The following PRRC2C variants were observed in gnomAD, a reference collection of about 807,000 sequenced individuals.
PRRC2C encodes the protein protein PRRC2C.
Under a neutral mutation model 317.2 loss-of-function variants are expected in PRRC2C, and 72 were observed. The ratio of observed to expected loss-of-function variants is 0.23; its 90% CI spans 0.19 to 0.28. The LOEUF is 0.28. PRRC2C is among the 10% of genes least tolerant of loss of function. The pLI is 1.00. For missense variants in PRRC2C, 3,074 were observed against 3,459.7 expected (o/e 0.89, Z 2.80); for synonymous variants, 1,296 against 1,205.9 (o/e 1.07, Z -1.55).
chr1:171,549,556 A>G (rs1679795636), intron 17 of PRRC2C, among the ~76,000 whole-genome samples: 1 of 152,120 alleles, frequency 6.6e-6, no homozygotes, highest in Non-Finnish European at 1.5e-5. Context: ...TATATCATTC[A>G]AAACAGGTAT....
rs748957264 is a variant in PRRC2C, at chr1:171,592,636, C to T, written c.*789C>T. The T allele has an allele frequency of 6.6e-6, 1 of 152,092 alleles. No homozygotes were observed. The highest frequency in any genetic ancestry group is 1.5e-5 in the Non-Finnish European group (1 of 68,012). The allele number at this position is 152,092 out of a possible 1,614,324, so 9.4% of individuals were successfully genotyped here. A position where few individuals can be genotyped will look rare whatever the true frequency, so the allele number is the denominator to read the frequency against. On this transcript the variant is annotated 3_prime_UTR_variant, in exon 35 of 35. Transcript: ENST00000647382. ...CAAACATGACAGATTTGGTAAAATG[C>T]TGGTTAGGTTGAGTCTTCCTTGCCC...
rs941974252 is a variant in PRRC2C at position 171,485,564 on chromosome 1, C to A, written c.-229C>A. On this transcript the variant is annotated 5_prime_UTR_variant, in exon 1 of 35. Coordinates refer to ENST00000647382, the MANE Select transcript of PRRC2C (RefSeq NM_001387844.1). ...CTTCTTTTTCTCGCTCGCTCGCTCC[C>A]CCTCGGAAAGCTGCGAAAGTGCTTT... 6.5e-6 allele frequency: 1 copy of A among 152,712 alleles called. No individual in the cohort carries two copies. Among genetic ancestry groups the A allele is most frequent in the African/African-American group, 2.4e-5 (1 of 41,460 alleles). 9.5% of individuals were successfully genotyped at this position (152,712 alleles called of 1,614,324 possible). A position where few individuals can be genotyped will look rare whatever the true frequency, so the allele number is the denominator to read the frequency against.
At chr1:171,512,307 C>G in intron 2 of PRRC2C, 107 bp downstream of exon 2, 1 of 802,504 alleles carries the variant, frequency 1.2e-6, no homozygotes, top group Non-Finnish European at 2.1e-6. Flanking sequence ...TAATACAATG[C>G]TATTTACATT....
chr1:171,518,435 CA>C (rs1029397064), intron 6 of PRRC2C, among the ~76,000 whole-genome samples: 10 of 120,042 alleles, frequency 8.3e-5, no homozygotes, highest in African/African-American at 3.0e-4. Context: ...GCCGTAGTTT[CA>C]AAGTTTTTAT....
intron 20 of PRRC2C, among the ~76,000 whole-genome samples, chr1:171,565,808 A>T (rs760021252): frequency 2.0e-5 from 3 of 152,208 alleles, no homozygotes; most frequent in Non-Finnish European, 4.4e-5. Context: ...ACCAATCACA[A>T]AGTTTTTATT....
At chr1:171,552,708 C>T (rs1034835923) in intron 18 of PRRC2C, among the ~76,000 whole-genome samples, 3 of 152,150 alleles carry the variant, frequency 2.0e-5, no homozygotes, top group Non-Finnish European at 4.4e-5. Flanking sequence ...TTTTCTGCAT[C>T]TATTGAGATA....
In PRRC2C at chr1:171,568,294, C is replaced by G. The variant is rs1339245629; in HGVS notation, c.6606C>G (p.Thr2202=). The change falls in exon 23 of 35, where the codon ACC becomes ACG. Residue 2202 remains threonine, a synonymous_variant. Transcript: ENST00000647382. Reference sequence around the variant, plus strand: ...CACCCTCTTCTTCTTTGCCTAACACCGTGGCTACTAATAATACAAAGATGG... The same window carrying G: ...CACCCTCTTCTTCTTTGCCTAACACGGTGGCTACTAATAATACAAAGATGG... The part of the protein sequence containing the change: ...YTTPSSSLPN[T]VATNNTKMED... The G allele has an allele frequency of 6.2e-7, 1 of 1,610,016 alleles. No individual in the cohort carries two copies. The highest frequency in any genetic ancestry group is 8.5e-7 in the Non-Finnish European group (1 of 1,178,010).
chr1:171,520,811 T>TTC (rs1553214388), intron 6 of PRRC2C, among the ~76,000 whole-genome samples: 4 of 148,848 alleles, frequency 2.7e-5, no homozygotes, highest in African/African-American at 1.0e-4. Flanking sequence ...TTTTTTTTTT[T>TTC]TTTTTTTTAA....
intron 10 of PRRC2C, among the ~76,000 whole-genome samples, chr1:171,525,952 G>T (rs1325421883): frequency 2.0e-5 from 3 of 152,122 alleles, no homozygotes; most frequent in East Asian, 3.8e-4. Flanking sequence ...TAATCTTAAG[G>T]CATTGATGAT....
At chr1:171,535,870 T>C (rs1398609148) in intron 13 of PRRC2C, among the ~76,000 whole-genome samples, 159 bp from the exon 14 acceptor site, 1 of 152,252 alleles carries the variant, frequency 6.6e-6, no homozygotes, top group African/African-American at 2.4e-5. Context: ...AGTTCATCTT[T>C]CAGTTTTTTG....
At chr1:171,522,463 A>G in intron 7 of PRRC2C, 1 of 324,494 alleles carries the variant, frequency 3.1e-6, no homozygotes, top group Non-Finnish European at 5.6e-6. Context: ...ATTAATTTAC[A>G]TAGGATTTTG....
rs1490183710 is a variant in PRRC2C at position 171,545,778 on chromosome 1, TAAA to T, written c.4972+92_4972+94del. 4 of 907,636 alleles carry T rather than the reference TAAA, an allele frequency of 4.4e-6. No homozygotes were observed. In the African/African-American group the frequency reaches 7.2e-5, roughly 16 times the overall value. 56.2% of individuals were successfully genotyped at this position (907,636 alleles called of 1,614,324 possible). A position where few individuals can be genotyped will look rare whatever the true frequency, so the allele number is the denominator to read the frequency against. On this transcript the variant is annotated intron_variant, in intron 17 of 34. Transcript: ENST00000647382. ...CATTTTAAAATGTAGATGCCACAAT[TAAA>T]GAAGTTTTCCAAGAAGGAAAGATTT...
intron 19 of PRRC2C, among the ~76,000 whole-genome samples, chr1:171,559,850 A>G (rs1682310773): frequency 6.6e-6 from 1 of 152,098 alleles, no homozygotes; most frequent in African/African-American, 2.4e-5. Flanking sequence ...CCCACTGTTG[A>G]GACCTACTGC....
At position 171,492,713 on chromosome 1, in the gene PRRC2C, C is replaced by G. The variant is rs570327730; in HGVS notation, c.-58+6978C>G. ...AGGTGACCCTGTTTCTTATTAAAAG[C>G]AAGAGGGTAGGGGAATTTTTTTAAT... On this transcript the variant is annotated intron_variant, in intron 1 of 34. Coordinates refer to ENST00000647382, the MANE Select transcript of PRRC2C (RefSeq NM_001387844.1). Among the ~76,000 whole-genome samples, 5 of 148,182 alleles carry G rather than the reference C, an allele frequency of 3.4e-5. No homozygotes were observed. The East Asian group carries it at 9.9e-4, about 29-fold the overall frequency.
At chr1:171,487,990 C>G (rs953758796) in intron 1 of PRRC2C, among the ~76,000 whole-genome samples, 22 of 104,388 alleles carry the variant, frequency 2.1e-4, no homozygotes, top group African/African-American at 7.6e-4. Flanking sequence ...TTGTTCATAG[C>G]TGAAAATGCA....
At chr1:171,542,303 A>G (rs2272810) in intron 16 of PRRC2C, 74 bp downstream of exon 16, 653,877 of 1,293,928 alleles carry the variant, frequency 0.51, 169,511 homozygotes, top group East Asian at 0.65. Flanking sequence ...TGGTTGAATT[A>G]TGCAAAGAGC....
At chr1:171,543,737 T>C (rs923728962) in intron 16 of PRRC2C, among the ~76,000 whole-genome samples, 1 of 152,232 alleles carries the variant, frequency 6.6e-6, no homozygotes. Flanking sequence ...TTTCTGTTGA[T>C]ATAACTAAAT....
chr1:171,506,904 C>T (rs776429374), intron 1 of PRRC2C, among the ~76,000 whole-genome samples: 2 of 151,988 alleles, frequency 1.3e-5, no homozygotes, highest in Non-Finnish European at 2.9e-5. Context: ...ATATAGAATA[C>T]AGTTATAAAG....
chr1:171,487,726 G>T (rs1313303759), intron 1 of PRRC2C, among the ~76,000 whole-genome samples: 2 of 152,184 alleles, frequency 1.3e-5, no homozygotes, highest in Non-Finnish European at 2.9e-5. Flanking sequence ...TGTATGTAAA[G>T]GGCTTATTAC....
Sources: gnomAD v4.1 joint callset for allele counts (sites outside exome capture counted in the v4.1 genomes callset) on GRCh38, gnomAD v4.1.1 for gene constraint, MANE v1.5 for transcripts, NCBI Gene and HGNC (gene_info 2026-07-23, HGNC 2026-07-21) for gene names.